LCOR: variants seen among roughly 807,000 people sequenced by gnomAD.
LCOR encodes ligand-dependent corepressor.
A neutral mutation model predicts 64.4 loss-of-function variants in LCOR; 14 were observed. The observed-to-expected ratio is 0.22, with a 90% CI of 0.14 to 0.34. The LOEUF (loss-of-function observed/expected upper bound fraction) is 0.34. LCOR is among the 10% of genes least tolerant of loss of function. The pLI is 1.00. For synonymous variants in LCOR, 643 were observed against 642.5 expected (o/e 1.00, Z -0.01); for missense variants, 1,686 against 1,765.3 (o/e 0.96, Z 0.80).
At chr10:96,895,432 T>C (rs1474109549) in intron 2 of LCOR, among the ~76,000 whole-genome samples, 1 of 152,192 alleles carries the variant, frequency 6.6e-6, no homozygotes, top group Non-Finnish European at 1.5e-5. Flanking sequence ...TACCCCTATC[T>C]CTTGCCAAGG....
At chr10:96,853,968 T>C (rs1336821076) in intron 2 of LCOR, among the ~76,000 whole-genome samples, 1 of 152,122 alleles carries the variant, frequency 6.6e-6, no homozygotes, top group Non-Finnish European at 1.5e-5. Flanking sequence ...TGGGGGAAGC[T>C]GCCTCCATGA....
chr10:96,845,914 A>G (rs902656872), intron 2 of LCOR, among the ~76,000 whole-genome samples: 2 of 151,960 alleles, frequency 1.3e-5, no homozygotes, highest in Non-Finnish European at 2.9e-5. Context: ...TCTTTTAAAA[A>G]TGATTTGATT....
rs1214907179 is a variant in LCOR, at chr10:96,994,039, C to G, written c.*8905C>G. Reference sequence around the variant, plus strand: ...GCTCCTTCATGTCATAGAACTCTAGCAATGGATGAGAAATCTGCCAGCACC... The same window carrying G: ...GCTCCTTCATGTCATAGAACTCTAGGAATGGATGAGAAATCTGCCAGCACC... On this transcript the variant is annotated 3_prime_UTR_variant, in exon 8 of 8. Transcript: ENST00000421806. 1 of 152,074 alleles carries G rather than the reference C, an allele frequency of 6.6e-6. No individual in the cohort carries two copies. Among genetic ancestry groups the G allele is most frequent in the East Asian group, 1.9e-4 (1 of 5,192 alleles). 9.4% of individuals were successfully genotyped at this position (152,074 alleles called of 1,614,324 possible).
chr10:96,833,829 G>A (rs1310979503), intron 2 of LCOR, among the ~76,000 whole-genome samples: 1 of 152,202 alleles, frequency 6.6e-6, no homozygotes, highest in Non-Finnish European at 1.5e-5. Context: ...CCATTCAGCG[G>A]CAATTTCATG....
At chr10:96,935,139 CTTTTTTTTTTTTTT>C (rs34176037) in intron 4 of LCOR, among the ~76,000 whole-genome samples, 2 of 65,546 alleles carry the variant, frequency 3.1e-5, no homozygotes, top group Non-Finnish European at 5.9e-5. Flanking sequence ...GGCTATTTTA[CTTTTTTTTTTTTTT>C]TTTTTTTTTT....
Position 96,983,728 on chromosome 10 carries a change from A to G in LCOR, c.3268A>G (p.Thr1090Ala), listed in dbSNP as rs1200490729. The G allele has an allele frequency of 6.2e-7, 1 of 1,614,206 alleles. No individual in the cohort carries two copies. The highest frequency in any genetic ancestry group is 1.7e-5 in the Admixed American group (1 of 60,028). Residue 1090 changes from threonine (T) to alanine (A), a missense_variant, in exon 8 of 8, where the codon ACC becomes GCC. By Grantham distance (58) the Thr-to-Ala change is moderately conservative. Coordinates refer to ENST00000421806, the MANE Select transcript of LCOR (RefSeq NM_001346516.2). The surrounding 1 kb of genome is among the most constrained non-coding windows in gnomAD (Gnocchi z 4.5). Reference protein sequence around the residue: ...GDPLDEDDVDTVVDEQPKFME... With the variant: ...GDPLDEDDVDAVVDEQPKFME... ...CCCCCTAGATGAGGACGATGTTGACACCGTGGTAGATGAACAGCCAAAGTT... is the reference window on the plus strand; with the variant it reads ...CCCCCTAGATGAGGACGATGTTGACGCCGTGGTAGATGAACAGCCAAAGTT...
At chr10:96,904,190 C>T (rs1388667644) in intron 2 of LCOR, among the ~76,000 whole-genome samples, 2 of 151,964 alleles carry the variant, frequency 1.3e-5, no homozygotes, top group African/African-American at 4.8e-5. Context: ...TAGTGTATGT[C>T]GAATAAATTA....
At chr10:96,832,736 G>C (rs1845363617) in intron 1 of LCOR, among the ~76,000 whole-genome samples, 1 of 149,674 alleles carries the variant, frequency 6.7e-6, no homozygotes, top group African/African-American at 2.4e-5. Flanking sequence ...CTCCAGGCCC[G>C]GCGCCCCGGC....
At chr10:96,880,890 C>T (rs1357619512) in intron 2 of LCOR, among the ~76,000 whole-genome samples, 3 of 152,174 alleles carry the variant, frequency 2.0e-5, no homozygotes, top group Admixed American at 6.5e-5. Context: ...AACCACTGAA[C>T]GCAGTTTGAG....
intron 2 of LCOR, among the ~76,000 whole-genome samples, chr10:96,836,278 C>G (rs1845439800): frequency 6.6e-6 from 1 of 152,090 alleles, no homozygotes; most frequent in African/African-American, 2.4e-5. Context: ...TTTGATGCCA[C>G]TTTTATTTTT....
At chr10:96,956,915 T>C (rs1847793347) in intron 7 of LCOR, 18 of 985,214 alleles carry the variant, frequency 1.8e-5, no homozygotes, top group Non-Finnish European at 2.2e-5. Flanking sequence ...ATGGGAGAAA[T>C]AGGGAAAGAA....
chr10:96,958,096 A>G (rs1356669022), intron 7 of LCOR: 2 of 1,101,722 alleles, frequency 1.8e-6, no homozygotes, highest in Non-Finnish European at 2.2e-6. Flanking sequence ...ATTTGTCAGC[A>G]CACAATTAAT....
chr10:96,954,955 G>A (rs1847741272), intron 7 of LCOR: 1 of 1,612,714 alleles, frequency 6.2e-7, no homozygotes, highest in Non-Finnish European at 8.5e-7. Flanking sequence ...CCAATTAGGC[G>A]ACCTGGGAGA....
intron 2 of LCOR, among the ~76,000 whole-genome samples, chr10:96,840,835 G>C (rs564235326): frequency 6.6e-6 from 1 of 152,324 alleles, no homozygotes; most frequent in African/African-American, 2.4e-5. Context: ...TATAACTTCT[G>C]AATCATTGAA....
At chr10:96,840,261 T>C (rs1845517017) in intron 2 of LCOR, among the ~76,000 whole-genome samples, 1 of 152,220 alleles carries the variant, frequency 6.6e-6, no homozygotes, top group Non-Finnish European at 1.5e-5. Context: ...TATTCCTTTG[T>C]TTCATGTTTT....
chr10:96,944,238 T>C lies in LCOR; in HGVS notation c.-58T>C. 1.0e-6 allele frequency: 1 copy of C among 985,742 alleles called. No homozygotes were observed. Among genetic ancestry groups the C allele is most frequent in the Non-Finnish European group, 1.2e-6 (1 of 829,874 alleles). 61.1% of individuals were successfully genotyped at this position (985,742 alleles called of 1,614,324 possible). ...AAGAATTCCTCAATGCAGTCTTTTA[T>C]AGAAAAGGTTGGTTTCAGTGAAGAT... On this transcript the variant is annotated 5_prime_UTR_variant, in exon 5 of 8. Coordinates refer to ENST00000421806, the MANE Select transcript of LCOR (RefSeq NM_001346516.2).
chr10:96,860,410 A>G (rs1433742663), intron 2 of LCOR, among the ~76,000 whole-genome samples: 1 of 152,238 alleles, frequency 6.6e-6, no homozygotes, highest in African/African-American at 2.4e-5. Context: ...CCACAAGCCA[A>G]GGAATGCCAA....
chr10:96,873,594 G>A (rs1302952519), intron 2 of LCOR, among the ~76,000 whole-genome samples: 6 of 149,176 alleles, frequency 4.0e-5, no homozygotes, highest in African/African-American at 1.5e-4. Flanking sequence ...GTGTGTGTGT[G>A]TGTGTGTGTG....
chr10:96,878,915 G>C (rs895712080), intron 2 of LCOR, among the ~76,000 whole-genome samples: 1 of 151,980 alleles, frequency 6.6e-6, no homozygotes, highest in Non-Finnish European at 1.5e-5. Context: ...ATTCACTTCA[G>C]CCTCCCAAGT....
Sources: allele counts gnomAD v4.1 joint callset (sites outside exome capture counted in the v4.1 genomes callset), GRCh38; gene constraint gnomAD v4.1.1; non-coding constraint Gnocchi (gnomAD v3.1); transcripts MANE v1.5; gene names NCBI Gene and HGNC (gene_info 2026-07-23, HGNC 2026-07-21).